The following GALNT11 variants were observed in gnomAD, a reference collection of about 807,000 sequenced individuals.
GALNT11 encodes the protein polypeptide N-acetylgalactosaminyltransferase 11, also known as UDP-GalNAc:polypeptide N-acetylgalactosaminyltransferase 11.
GALNT11 carries 47 observed loss-of-function variants against 72.7 expected under a neutral mutation model. The ratio of observed to expected loss-of-function variants is 0.65; its 90% confidence interval spans 0.51 to 0.82. GALNT11 has a LOEUF of 0.82. Ranked by LOEUF, GALNT11 falls within the 40% of genes least tolerant of loss-of-function variation. GALNT11 has a pLI of 0.00. For missense variants in GALNT11, 677 were observed against 778.4 expected (o/e 0.87, Z 1.55); for synonymous variants, 270 against 286.6 (o/e 0.94, Z 0.58).
chr7:152,114,033 G>GAT (rs1384945221), intron 8 of GALNT11, among the ~76,000 whole-genome samples: 2 of 151,824 alleles, frequency 1.3e-5, no homozygotes, highest in East Asian at 3.9e-4. Context: ...CGAAGTGCTG[G>GAT]GACTACGTGT....
At chr7:152,041,444 G>A (rs1213666984) in intron 1 of GALNT11, among the ~76,000 whole-genome samples, 1 of 152,152 alleles carries the variant, frequency 6.6e-6, no homozygotes, top group Non-Finnish European at 1.5e-5. Flanking sequence ...TCCGAGTTCT[G>A]CCATTTCCTA....
chr7:152,118,894 T>A, intron 10 of GALNT11, 112 bp downstream of exon 10: 2 of 777,006 alleles, frequency 2.6e-6, no homozygotes, highest in Non-Finnish European at 3.9e-6. Context: ...TGGCTTTTCT[T>A]AACCCATTTC....
At chr7:152,101,646 G>A (rs377638460) in intron 3 of GALNT11, among the ~76,000 whole-genome samples, 47 of 146,050 alleles carry the variant, frequency 3.2e-4, no homozygotes, top group Non-Finnish European at 6.2e-4. Flanking sequence ...TTTTTTTGGG[G>A]GGGGGGGGAT....
At chr7:152,075,504 A>G (rs2084904372) in intron 1 of GALNT11, among the ~76,000 whole-genome samples, 1 of 152,238 alleles carries the variant, frequency 6.6e-6, no homozygotes, top group Non-Finnish European at 1.5e-5. Flanking sequence ...TTCCTTAGAA[A>G]AGCTTATCAC....
chr7:152,068,799 A>G (rs1291290352), intron 1 of GALNT11, among the ~76,000 whole-genome samples: 2 of 151,700 alleles, frequency 1.3e-5, no homozygotes, highest in South Asian at 2.1e-4. Flanking sequence ...ATTGATTTCT[A>G]TTTTAATTTT....
intron 6 of GALNT11, 152 bp downstream of exon 6, chr7:152,108,439 A>G: frequency 8.4e-7 from 1 of 1,192,810 alleles, no homozygotes; most frequent in South Asian, 1.6e-5. Context: ...ATTGAATTTT[A>G]TGCAGTCTGC....
intron 1 of GALNT11, among the ~76,000 whole-genome samples, chr7:152,072,326 AAAAAAAG>A (rs1563056900): frequency 2.6e-5 from 4 of 151,782 alleles, no homozygotes; most frequent in Non-Finnish European, 5.9e-5. Flanking sequence ...AAAAAAAAAA[AAAAAAAG>A]AAAAAAGAAA....
chr7:152,108,359 T>C, intron 6 of GALNT11, 72 bp downstream of exon 6: 3 of 1,527,446 alleles, frequency 2.0e-6, no homozygotes, highest in South Asian at 1.3e-5. Flanking sequence ...ATATTAAAGA[T>C]AATTCCTCCT....
rs149600575 is a variant in GALNT11, at chr7:152,100,818, G to A, written c.316G>A (p.Asp106Asn). The A allele has an allele frequency of 2.1e-5, 34 of 1,613,572 alleles. No homozygotes were observed. The highest frequency in any genetic ancestry group is 5.3e-5 in the African/African-American group (4 of 74,862). The change falls in exon 3 of 12, where the codon GAT becomes AAT. Residue 106 changes from aspartate (D) to asparagine (N), a missense_variant. Physicochemically the swap from Asp to Asn is conservative, Grantham distance 23 (BLOSUM62 1). Coordinates refer to ENST00000430044, the MANE Select transcript of GALNT11 (RefSeq NM_022087.4). ...SELGMIFNER[D>N]QELRDLGYQK... is the part of the protein sequence containing the mutation. ...TGCAGGTATGATTTTTAATGAACGCGATCAAGAGTTGAGAGACTTGGGCTA... is the reference window on the plus strand; with the variant it reads ...TGCAGGTATGATTTTTAATGAACGCAATCAAGAGTTGAGAGACTTGGGCTA...
chr7:152,070,894 A>G (rs909844827), intron 1 of GALNT11, among the ~76,000 whole-genome samples: 6 of 152,118 alleles, frequency 3.9e-5, no homozygotes, highest in Admixed American at 3.9e-4. Context: ...CGTCCGGGGG[A>G]CACATCACAT....
At chr7:152,097,236 G>A (rs1002788376) in intron 2 of GALNT11, among the ~76,000 whole-genome samples, 1 of 152,168 alleles carries the variant, frequency 6.6e-6, no homozygotes, top group Non-Finnish European at 1.5e-5. Flanking sequence ...TGGCCAACAA[G>A]CAGATGAAAA....
At chr7:152,066,534 G>A (rs931627998) in intron 1 of GALNT11, among the ~76,000 whole-genome samples, 4 of 152,180 alleles carry the variant, frequency 2.6e-5, no homozygotes, top group African/African-American at 4.8e-5. Context: ...CGTCACTCAC[G>A]CTGGGAGCTG....
intron 1 of GALNT11, among the ~76,000 whole-genome samples, chr7:152,066,516 G>A (rs528509473): frequency 1.2e-4 from 19 of 152,270 alleles, no homozygotes; most frequent in South Asian, 4.1e-4. Flanking sequence ...GAAATCACCC[G>A]TCTTCTGCGT....
At chr7:152,048,950 C>G (rs530024122) in intron 1 of GALNT11, among the ~76,000 whole-genome samples, 1 of 151,638 alleles carries the variant, frequency 6.6e-6, no homozygotes, top group South Asian at 2.1e-4. Context: ...CATTTTATAG[C>G]TCCAGAATTT....
At position 152,094,061 on chromosome 7, in the gene GALNT11, T is replaced by G. The variant is rs2086215343; in HGVS notation, c.-38-129T>G. Reference sequence around the variant, plus strand: ...AACTCAGTACTATCCATACATCTTCTTGTATTTGAATATCCGTTAACTGTA... The same window carrying G: ...AACTCAGTACTATCCATACATCTTCGTGTATTTGAATATCCGTTAACTGTA... On this transcript the variant is annotated intron_variant, in intron 1 of 11. Transcript: ENST00000430044. This position sits in a 1 kb window ranked among gnomAD's most constrained non-coding sequence, Gnocchi z 4.3. The G allele has an allele frequency of 1.3e-6, 1 of 755,610 alleles. No individual in the cohort carries two copies. Among genetic ancestry groups the G allele is most frequent in the African/African-American group, 1.8e-5 (1 of 56,788 alleles). The allele number at this position is 755,610 out of a possible 1,614,324, so 46.8% of individuals were successfully genotyped here.
At chr7:152,071,819 G>A (rs182717984) in intron 1 of GALNT11, among the ~76,000 whole-genome samples, 5 of 152,154 alleles carry the variant, frequency 3.3e-5, no homozygotes, top group African/African-American at 7.2e-5. Context: ...CCCTCTGTTT[G>A]GGGTCCCTGA....
chr7:152,110,479 T>C (rs1287814234), intron 6 of GALNT11, 49 bp from the exon 7 acceptor site: 1 of 1,322,732 alleles, frequency 7.6e-7, no homozygotes, highest in Admixed American at 2.0e-5. Flanking sequence ...AAGTAGTAGG[T>C]AAGATAACTG....
intron 1 of GALNT11, among the ~76,000 whole-genome samples, chr7:152,054,971 G>A (rs550997645): frequency 6.6e-6 from 1 of 152,296 alleles, no homozygotes; most frequent in East Asian, 1.9e-4. Flanking sequence ...TGACTTAAAC[G>A]ATTGTTAGGA....
At chr7:152,030,708 A>G (rs949325160) in intron 1 of GALNT11, among the ~76,000 whole-genome samples, 10 of 149,928 alleles carry the variant, frequency 6.7e-5, no homozygotes, top group Admixed American at 1.3e-4. Flanking sequence ...TTGCCTTTCT[A>G]TGTCTCTCTC....
Sources: gnomAD v4.1 joint callset for allele counts (sites outside exome capture counted in the v4.1 genomes callset) on GRCh38, gnomAD v4.1.1 for gene constraint, Gnocchi (gnomAD v3.1) non-coding constraint, MANE v1.5 for transcripts, NCBI Gene and HGNC (gene_info 2026-07-23, HGNC 2026-07-21) for gene names.